MTUS2: variants seen among roughly 807,000 people sequenced by gnomAD.
MTUS2 encodes microtubule associated scaffold protein 2, also known as microtubule-associated tumor suppressor candidate 2.
Under a neutral mutation model 114.1 loss-of-function variants are expected in MTUS2, and 40 were observed. The ratio of observed to expected loss-of-function variants is 0.35; its 90% CI spans 0.27 to 0.46. MTUS2 has a LOEUF of 0.46. Ranked by LOEUF, MTUS2 falls within the 20% of genes least tolerant of loss-of-function variation. The pLI is 1.00. For synonymous variants in MTUS2, 688 were observed against 672.0 expected (o/e 1.02, Z -0.37); for missense variants, 1,679 against 1,705.4 (o/e 0.98, Z 0.27).
At chr13:29,452,863 C>A (rs1161268657) in intron 9 of MTUS2, among the ~76,000 whole-genome samples, 1 of 152,148 alleles carries the variant, frequency 6.6e-6, no homozygotes, top group Non-Finnish European at 1.5e-5. Context: ...CTTCTGGAAA[C>A]AGAGTCAGCT....
At chr13:28,930,861 T>A (rs1881578543) in intron 2 of MTUS2, among the ~76,000 whole-genome samples, 1 of 152,030 alleles carries the variant, frequency 6.6e-6, no homozygotes, top group African/African-American at 2.4e-5. Flanking sequence ...ATTTGTGGGG[T>A]ATTGGGATGG....
chr13:29,465,076 C>T (rs1204184121), intron 9 of MTUS2, among the ~76,000 whole-genome samples: 1 of 152,158 alleles, frequency 6.6e-6, no homozygotes, highest in African/African-American at 2.4e-5. Flanking sequence ...CTTCACAGAA[C>T]TTTTGTGACG....
At chr13:29,364,068 C>T (rs761630325) in intron 8 of MTUS2, among the ~76,000 whole-genome samples, 6 of 152,282 alleles carry the variant, frequency 3.9e-5, no homozygotes, top group Middle Eastern at 3.4e-3. Context: ...TATGATGCTA[C>T]TTCTCCCTCT....
intron 2 of MTUS2, among the ~76,000 whole-genome samples, chr13:28,866,826 C>A (rs1375916691): frequency 1.3e-5 from 2 of 152,048 alleles, no homozygotes; most frequent in African/African-American, 2.4e-5. Context: ...ACCATACCTG[C>A]ATTTTAAAGT....
intron 8 of MTUS2, among the ~76,000 whole-genome samples, chr13:29,434,031 G>GT (rs1877226881): frequency 1.3e-5 from 2 of 152,102 alleles, no homozygotes; most frequent in Non-Finnish European, 2.9e-5. Context: ...TGATCCACAC[G>GT]GATTTCAGAG....
At chr13:28,941,358 C>T (rs944982963) in intron 2 of MTUS2, among the ~76,000 whole-genome samples, 2 of 151,870 alleles carry the variant, frequency 1.3e-5, no homozygotes, top group African/African-American at 4.8e-5. Flanking sequence ...TAATACACTA[C>T]AGGAATTTAA....
chr13:29,308,332 C>G (rs549700655), intron 6 of MTUS2, among the ~76,000 whole-genome samples: 5 of 152,266 alleles, frequency 3.3e-5, no homozygotes, highest in African/African-American at 4.8e-5. Flanking sequence ...ATAAATGGTG[C>G]TGGGAGTGCT....
At chr13:28,985,660 T>C (rs372247330) in intron 2 of MTUS2, among the ~76,000 whole-genome samples, 29 of 152,284 alleles carry the variant, frequency 1.9e-4, no homozygotes, top group African/African-American at 6.7e-4. Flanking sequence ...GTTAATTTTA[T>C]GTGTCAGCTT....
intron 4 of MTUS2, among the ~76,000 whole-genome samples, chr13:29,074,316 T>C (rs1889084240): frequency 6.6e-6 from 1 of 152,174 alleles, no homozygotes; most frequent in Non-Finnish European, 1.5e-5. Context: ...CAGTAACCTA[T>C]TCCTTGCTTA....
rs566087816 is a variant in MTUS2 at position 29,040,476 on chromosome 13, C to A, written c.2446+6351C>A. 5.9e-5 allele frequency among the ~76,000 whole-genome samples: 9 copies of A among 152,170 alleles called. No individual in the cohort carries two copies. The South Asian group carries it at 1.9e-3, about 32-fold the overall frequency. On this transcript the variant is annotated intron_variant, in intron 4 of 15. Coordinates refer to ENST00000612955, the MANE Select transcript of MTUS2 (RefSeq NM_001033602.4). ...GATTTCTTTTCCTCTGGGTAGATAC[C>A]CAGTAGGGTATTGCTGGATCAAATG...
In MTUS2 at chr13:29,040,744, G is replaced by C. The variant is rs148424317; in HGVS notation, c.2446+6619G>C. Among the ~76,000 whole-genome samples, 271 of 152,040 alleles carry C rather than the reference G, an allele frequency of 1.8e-3. 1 individual carries two copies. Among genetic ancestry groups the C allele is most frequent in the African/African-American group, 6.2e-3 (256 of 41,498 alleles). On this transcript the variant is annotated intron_variant, in intron 4 of 15. Transcript: ENST00000612955. ...TGATCATTTTTTCATATGTTTGTTG[G>C]CTATTTGTATATTTGAGAATTGTCT...
chr13:29,502,439 T>C (rs1001397449), intron 15 of MTUS2, among the ~76,000 whole-genome samples: 2 of 152,244 alleles, frequency 1.3e-5, no homozygotes, highest in African/African-American at 4.8e-5. Flanking sequence ...CCTTGGCCTC[T>C]GTCCTCCGGA....
intron 2 of MTUS2, among the ~76,000 whole-genome samples, chr13:28,982,230 G>A (rs1169019724): frequency 6.6e-6 from 1 of 152,056 alleles, no homozygotes; most frequent in Non-Finnish European, 1.5e-5. Flanking sequence ...GGATGCGAAA[G>A]TCAGCAGAGG....
At chr13:29,284,601 A>G (rs548037448) in intron 6 of MTUS2, among the ~76,000 whole-genome samples, 2 of 152,342 alleles carry the variant, frequency 1.3e-5, no homozygotes, top group African/African-American at 2.4e-5. Flanking sequence ...AAGTAATTGC[A>G]TAGCCCGTTG....
rs184668096 is a variant in MTUS2 at position 29,037,217 on chromosome 13, A to G, written c.2446+3092A>G. 1.8e-3 allele frequency among the ~76,000 whole-genome samples: 278 copies of G among 152,294 alleles called. 1 individual carries two copies. The highest frequency in any genetic ancestry group is 6.3e-3 in the African/African-American group (263 of 41,540). On this transcript the variant is annotated intron_variant, in intron 4 of 15. Coordinates refer to ENST00000612955, the MANE Select transcript of MTUS2 (RefSeq NM_001033602.4). ...GTAAGGCAGGCCTGGTGGTGACACA[A>G]TCTCTCAGCATTTGCTTGTCTGTCA...
chr13:29,417,646 C>CT lies in MTUS2; in HGVS notation c.3118-22336dup, dbSNP rs542387311. On this transcript the variant is annotated intron_variant, in intron 8 of 15. Transcript: ENST00000612955. ...TTTGTCATTTTCTTTCATTGCTTTC[C>CT]TAAATTAATCAACTCTTTATTATAT... Among the ~76,000 whole-genome samples the CT allele has an allele frequency of 2.4e-3, 359 of 152,044 alleles. 7 individuals carry two copies. The highest frequency in any genetic ancestry group is 4.9e-4 in the Non-Finnish European group (33 of 67,976).
intron 2 of MTUS2, among the ~76,000 whole-genome samples, chr13:28,957,608 A>G (rs1377463208): frequency 6.6e-6 from 1 of 152,232 alleles, no homozygotes; most frequent in Non-Finnish European, 1.5e-5. Flanking sequence ...GTATACAGGA[A>G]GATGTGCTCA....
At chr13:29,319,005 C>T (rs1900139490) in intron 6 of MTUS2, among the ~76,000 whole-genome samples, 1 of 152,156 alleles carries the variant, frequency 6.6e-6, no homozygotes, top group African/African-American at 2.4e-5. Flanking sequence ...CTGCCTTCTT[C>T]CTTCCCGGCA....
At chr13:28,904,342 G>T (rs1196617065) in intron 2 of MTUS2, among the ~76,000 whole-genome samples, 3 of 152,118 alleles carry the variant, frequency 2.0e-5, no homozygotes, top group African/African-American at 4.8e-5. Flanking sequence ...CCTATGTCCT[G>T]AATGGTATTG....
Sources: allele counts gnomAD v4.1 joint callset (sites outside exome capture counted in the v4.1 genomes callset), GRCh38; gene constraint gnomAD v4.1.1; transcripts MANE v1.5; gene names NCBI Gene and HGNC (gene_info 2026-07-23, HGNC 2026-07-21).